The following FAM227B variants were observed in gnomAD, a reference collection of about 807,000 sequenced individuals.
FAM227B encodes the protein family with sequence similarity 227 member B.
Under a neutral mutation model 73.8 loss-of-function variants are expected in FAM227B, and 88 were observed. That is an observed-to-expected ratio of 1.19 (90% CI 1.00 to 1.42). The LOEUF is 1.42. Ranked by LOEUF, FAM227B falls within the 40% of genes most tolerant of loss-of-function variation. The pLI is 0.00. For synonymous variants in FAM227B, 210 were observed against 190.5 expected, an observed-to-expected ratio of 1.10 and a Z score of -0.84; for missense variants, 632 against 590.9, an observed-to-expected ratio of 1.07 and a Z score of -0.72.
chr15:49,469,242 T>A (rs2054525949), intron 11 of FAM227B, among the ~76,000 whole-genome samples: 1 of 152,176 alleles, frequency 6.6e-6, no homozygotes. Context: ...TTCAAACATA[T>A]TTTCTTTTAG....
intron 5 of FAM227B, among the ~76,000 whole-genome samples, chr15:49,580,380 T>G (rs1418187147): frequency 1.3e-5 from 2 of 152,120 alleles, no homozygotes; most frequent in East Asian, 3.9e-4. Context: ...ACACTAAAAA[T>G]ACTTTGCCAA....
chr15:49,333,339 T>C (rs2039141502), intron 14 of FAM227B, among the ~76,000 whole-genome samples: 1 of 152,212 alleles, frequency 6.6e-6, no homozygotes, highest in South Asian at 2.1e-4. Flanking sequence ...CCTATAACTT[T>C]AACAAGCACG....
intron 11 of FAM227B, among the ~76,000 whole-genome samples, chr15:49,430,698 A>C (rs911255478): frequency 6.6e-6 from 1 of 151,836 alleles, no homozygotes; most frequent in African/African-American, 2.4e-5. Flanking sequence ...AGTATGAGAC[A>C]GACAGGGCTG....
intron 1 of FAM227B, among the ~76,000 whole-genome samples, chr15:49,617,773 G>GTT (rs948087015): frequency 4.5e-5 from 6 of 133,100 alleles, no homozygotes; most frequent in Non-Finnish European, 8.2e-5. Flanking sequence ...CTCCTTTCAT[G>GTT]TTTTGTGTGT....
At chr15:49,482,535 T>C (rs2056046557) in intron 11 of FAM227B, among the ~76,000 whole-genome samples, 1 of 152,080 alleles carries the variant, frequency 6.6e-6, no homozygotes, top group Admixed American at 6.5e-5. Context: ...AGAATTTTCT[T>C]CACTTTCAGT....
At chr15:49,552,566 A>ATC (rs1282733289) in intron 9 of FAM227B, among the ~76,000 whole-genome samples, 6 of 152,044 alleles carry the variant, frequency 3.9e-5, no homozygotes, top group Admixed American at 1.3e-4. Context: ...TCAATAACCT[A>ATC]TCTACCCCAT....
chr15:49,365,654 G>A lies in FAM227B; in HGVS notation c.1271+1794C>T, dbSNP rs531082864. 4.3e-5 allele frequency: 47 copies of A among 1,089,808 alleles called. No individual in the cohort carries two copies. The African/African-American group carries it at 6.3e-4, about 15-fold the overall frequency. The allele number at this position is 1,089,808 out of a possible 1,614,324, so 67.5% of individuals were successfully genotyped here. ...ACATCATAGAGGAGGAGAAGGCCTA[G>A]AAGTATCACACATGACTTGAAGCTG... On this transcript the variant is annotated intron_variant, in intron 13 of 15. Coordinates refer to ENST00000299338, the MANE Select transcript of FAM227B (RefSeq NM_152647.3).
In FAM227B at chr15:49,367,516, A is replaced by G; in HGVS notation, c.1203T>C (p.His401=). ...GTGCTTTGGAAATACCAGCCAGCTC[A>G]TGCATCTTAAGATAATATAAAATCA... The part of the protein sequence containing the change: ...SPLILYYLKM[H]ELAGISKAPK... Residue 401 remains histidine (H), a synonymous_variant, in exon 13 of 16, where the codon CAT becomes CAC. Coordinates refer to ENST00000299338, the MANE Select transcript of FAM227B (RefSeq NM_152647.3). 6.2e-7 allele frequency: 1 copy of G among 1,606,904 alleles called. No homozygotes were observed. The highest frequency in any genetic ancestry group is 8.5e-7 in the Non-Finnish European group (1 of 1,178,336).
chr15:49,334,381 C>T (rs1365926091), intron 14 of FAM227B: 6 of 276,314 alleles, frequency 2.2e-5, no homozygotes, highest in East Asian at 1.8e-4. Flanking sequence ...CTGATATACA[C>T]GTGTTAGTAA....
chr15:49,380,763 TACTTA>T (rs1190199412), intron 11 of FAM227B, among the ~76,000 whole-genome samples: 5 of 152,156 alleles, frequency 3.3e-5, no homozygotes, highest in Non-Finnish European at 1.5e-5. Context: ...ACACTTGAGC[TACTTA>T]ACTCCTCTGA....
chr15:49,594,681 T>C (rs1045711573), intron 3 of FAM227B, among the ~76,000 whole-genome samples: 7 of 152,084 alleles, frequency 4.6e-5, no homozygotes, highest in Non-Finnish European at 7.4e-5. Flanking sequence ...TTGAACAGGG[T>C]TTCCCTCCCC....
chr15:49,383,138 A>G (rs1035318318), intron 11 of FAM227B, among the ~76,000 whole-genome samples: 1 of 152,194 alleles, frequency 6.6e-6, no homozygotes, highest in African/African-American at 2.4e-5. Context: ...GATTAAAAAA[A>G]GCAGAACAAT....
chr15:49,563,521 C>T (rs1401539679), intron 9 of FAM227B, among the ~76,000 whole-genome samples: 2 of 151,992 alleles, frequency 1.3e-5, no homozygotes, highest in African/African-American at 2.4e-5. Context: ...CACAAAAGAG[C>T]CCAAATAGCC....
intron 11 of FAM227B, among the ~76,000 whole-genome samples, chr15:49,422,924 T>C (rs775303339): frequency 6.6e-5 from 10 of 152,170 alleles, no homozygotes; most frequent in Non-Finnish European, 1.3e-4. Flanking sequence ...TTTCTAAGTA[T>C]TAAAAAACCC....
In FAM227B at chr15:49,372,068, A is replaced by ATCAATGAAATAAAATTCACTTATAAG. The variant is rs2045867385; in HGVS notation, c.1013-670_1013-669insCTTATAAGTGAATTTTATTTCATTGA. 2.2e-5 allele frequency among the ~76,000 whole-genome samples: 2 copies of ATCAATGAAATAAAATTCACTTATAAG among 90,152 alleles called. 1 individual carries two copies. Among genetic ancestry groups the ATCAATGAAATAAAATTCACTTATAAG allele is most frequent in the Non-Finnish European group, 4.8e-5 (2 of 41,332 alleles). The allele number at this position is 90,152 out of a possible 152,430, so 59.1% of individuals were successfully genotyped here. On this transcript the variant is annotated intron_variant, in intron 11 of 15. Transcript: ENST00000299338. ...TCAATGAAATAAAATTCACTTATAAATCAATGAAATAAAATTCATTTATAA... is the reference window on the plus strand; with the variant it reads ...TCAATGAAATAAAATTCACTTATAAATCAATGAAATAAAATTCACTTATAAGTCAATGAAATAAAATTCATTTATAA...
intron 11 of FAM227B, among the ~76,000 whole-genome samples, chr15:49,411,900 G>C (rs2048895784): frequency 1.3e-5 from 2 of 152,030 alleles, no homozygotes; most frequent in African/African-American, 4.8e-5. Flanking sequence ...AAATATTTTA[G>C]AGAGAAAGCA....
intron 9 of FAM227B, among the ~76,000 whole-genome samples, chr15:49,550,184 C>CG (rs1487390920): frequency 2.9e-5 from 4 of 139,312 alleles, no homozygotes; most frequent in African/African-American, 1.0e-4. Context: ...CCCTCCTGGA[C>CG]GGGGTGGCTG....
At chr15:49,553,375 G>A (rs8025059) in intron 9 of FAM227B, among the ~76,000 whole-genome samples, 3 of 151,976 alleles carry the variant, frequency 2.0e-5, no homozygotes, top group South Asian at 2.1e-4. Context: ...TGGGTAAGAC[G>A]TGAAGCCAGA....
At chr15:49,418,898 G>A (rs1028293317) in intron 11 of FAM227B, among the ~76,000 whole-genome samples, 2 of 151,988 alleles carry the variant, frequency 1.3e-5, no homozygotes, top group Non-Finnish European at 2.9e-5. Context: ...TGAGAATTCT[G>A]CTCTTCCAGT....
Sources: gnomAD v4.1 joint callset for allele counts (sites outside exome capture counted in the v4.1 genomes callset) on GRCh38, gnomAD v4.1.1 for gene constraint, MANE v1.5 for transcripts, NCBI Gene and HGNC (gene_info 2026-07-23, HGNC 2026-07-21) for gene names.